The following ABCA5 variants were observed in gnomAD, a reference collection of about 807,000 sequenced individuals.
ABCA5 encodes the protein cholesterol transporter ABCA5.
A neutral mutation model predicts 206.0 loss-of-function variants in ABCA5; 163 were observed. The observed-to-expected ratio is 0.79, with a 90% CI of 0.70 to 0.90. ABCA5 has a LOEUF of 0.90. ABCA5 is among the 40% of genes least tolerant of loss of function. The pLI is 0.00. For missense variants in ABCA5, 1,859 were observed against 1,912.9 expected (o/e 0.97, Z 0.53); for synonymous variants, 609 against 613.8 (o/e 0.99, Z 0.11).
chr17:69,248,635 C>T, intron 37 of ABCA5: 1 of 208,414 alleles, frequency 4.8e-6, no homozygotes, highest in Non-Finnish European at 9.7e-6. Context: ...TTCTCCAACT[C>T]CACTGTAGCC....
Position 69,268,076 on chromosome 17 carries a change from T to C in ABCA5, c.3031-20A>G, listed in dbSNP as rs1464835355. ...AATTTCCTGAAAGACAACCACAGAG[T>C]AACAAATGGAACTGAGAATCATTTT... On this transcript the variant is annotated intron_variant, in intron 22 of 38. Coordinates refer to ENST00000392676, the MANE Select transcript of ABCA5 (RefSeq NM_172232.4). 2 of 1,143,756 alleles carry C rather than the reference T, an allele frequency of 1.7e-6. No individual in the cohort carries two copies. The highest frequency in any genetic ancestry group is 1.3e-6 in the Non-Finnish European group (1 of 756,968). 70.9% of individuals were successfully genotyped at this position (1,143,756 alleles called of 1,614,324 possible).
chr17:69,301,144 A>G lies in ABCA5; in HGVS notation c.1262T>C (p.Ile421Thr). ...TTCAAAAACCATCTGCATACCTGGA[A>G]TGACTTGATCAAGATAGACAGCCAA... ...VLLAVYLDQV[I>T]PGEFGLRRSS... The change falls in exon 9 of 39, where the codon ATT becomes ACT. Residue 421 changes from isoleucine to threonine, a missense_variant. Ile to Thr is a moderately conservative substitution (Grantham distance 89). Transcript: ENST00000392676. 6.6e-7 allele frequency: 1 copy of G among 1,525,574 alleles called. No homozygotes were observed. Among genetic ancestry groups the G allele is most frequent in the Non-Finnish European group, 8.7e-7 (1 of 1,145,892 alleles). The allele number at this position is 1,525,574 out of a possible 1,614,324, so 94.5% of individuals were successfully genotyped here.
chr17:69,267,834 T>A (rs1273166506), intron 23 of ABCA5, 109 bp downstream of exon 23: 12 of 501,574 alleles, frequency 2.4e-5, no homozygotes, highest in Middle Eastern at 5.3e-4. Flanking sequence ...ATATTCCATT[T>A]ACTTATTTCT....
intron 1 of ABCA5, chr17:69,315,354 G>GA (rs2075805796): frequency 6.6e-6 from 1 of 152,198 alleles, no homozygotes; most frequent in African/African-American, 2.4e-5. Flanking sequence ...ACAGTTCAAA[G>GA]AATGTGGGTA....
At chr17:69,271,407 T>A in intron 20 of ABCA5, 118 bp from the exon 21 acceptor site, 1 of 1,120,788 alleles carries the variant, frequency 8.9e-7, no homozygotes, top group Non-Finnish European at 1.2e-6. Context: ...AATACGCAAG[T>A]AAGTACATTG....
intron 9 of ABCA5, among the ~76,000 whole-genome samples, chr17:69,299,708 GA>G (rs564432897): frequency 7.8e-4 from 118 of 151,926 alleles, no homozygotes; most frequent in African/African-American, 2.8e-3. Flanking sequence ...GAAAAGGTGG[GA>G]GGGGGGTGAG....
At position 69,256,268 on chromosome 17, in the gene ABCA5, C is replaced by T. The variant is rs150983466; in HGVS notation, c.3747G>A (p.Lys1249=). 1.3e-6 allele frequency: 2 copies of T among 1,598,970 alleles called. No homozygotes were observed. Among genetic ancestry groups the T allele is most frequent in the African/African-American group, 1.3e-5 (1 of 74,340 alleles). The change falls in exon 29 of 39, where the codon AAG becomes AAA. Residue 1249 remains lysine (K), a synonymous_variant. Transcript: ENST00000392676. The part of the protein sequence containing the change: ...KDPFFRNLST[K]SKNRKLPEPP... ...GTTCTGGAAGCTTCCTATTTTTAGA[C>T]TTCGTTGAAAGGTTTCTACATATAT...
chr17:69,261,915 T>C (rs192037181), intron 24 of ABCA5, among the ~76,000 whole-genome samples, 167 bp from the exon 25 acceptor site: 19 of 152,236 alleles, frequency 1.2e-4, no homozygotes, highest in African/African-American at 4.1e-4. Flanking sequence ...CTATCTCTCA[T>C]TATTATAAAA....
intron 3 of ABCA5, among the ~76,000 whole-genome samples, chr17:69,312,033 A>G (rs1216311466): frequency 1.3e-5 from 2 of 152,208 alleles, no homozygotes; most frequent in Non-Finnish European, 2.9e-5. Flanking sequence ...TGTATAATTA[A>G]CACTTTCCAT....
intron 18 of ABCA5, among the ~76,000 whole-genome samples, chr17:69,279,762 G>A (rs1430363283): frequency 6.6e-6 from 1 of 152,144 alleles, no homozygotes; most frequent in Non-Finnish European, 1.5e-5. Flanking sequence ...TGACAAACCT[G>A]AGAAAAACGA....
At chr17:69,315,106 A>C (rs2075803415) in intron 1 of ABCA5, 1 of 152,250 alleles carries the variant, frequency 6.6e-6, no homozygotes, top group East Asian at 1.9e-4. Flanking sequence ...AAAAAGTAGA[A>C]GGGGGAACAA....
intron 17 of ABCA5, among the ~76,000 whole-genome samples, chr17:69,284,728 T>C (rs1199627929): frequency 6.6e-6 from 1 of 152,198 alleles, no homozygotes; most frequent in East Asian, 1.9e-4. Flanking sequence ...TATTTGTTTC[T>C]GTATTCAATC....
In ABCA5 at chr17:69,274,116, A is replaced by G. The variant is rs1190523017; in HGVS notation, c.2607T>C (p.Leu869=). 1 of 1,574,290 alleles carries G rather than the reference A, an allele frequency of 6.4e-7. No individual in the cohort carries two copies. Among genetic ancestry groups the G allele is most frequent in the East Asian group, 2.2e-5 (1 of 44,560 alleles). The stretch of plus-strand genomic sequence containing the variant: ...AAATCTGAACTGTGAAAAAAATTAA[A>G]AGCAGAAGCAACCTGAAAAGAAAAA... The part of the protein sequence containing the change: ...SKSVRSVLLL[L]LIFFTVQIFM... Residue 869 remains leucine, a synonymous_variant, in exon 20 of 39, where the codon CTT becomes CTC. Transcript: ENST00000392676.
Position 69,277,781 on chromosome 17 carries a change from T to G in ABCA5, c.2454A>C (p.Glu818Asp), listed in dbSNP as rs1442746668. The change falls in exon 19 of 39, where the codon GAA becomes GAC. Residue 818 changes from glutamate to aspartate, a missense_variant. Transcript: ENST00000392676. ...EEEMDSKSFD[E>D]MEQSLLILSE... ...AAAGAATAAGTAAGCTCTGTTCCATTTCATCAAAAGATTTTGAATCCATTT... is the reference window on the plus strand; with the variant it reads ...AAAGAATAAGTAAGCTCTGTTCCATGTCATCAAAAGATTTTGAATCCATTT... The G allele has an allele frequency of 1.3e-6, 2 of 1,589,636 alleles. No individual in the cohort carries two copies. Among genetic ancestry groups the G allele is most frequent in the South Asian group, 2.3e-5 (2 of 85,782 alleles).
chr17:69,292,094 G>C (rs2075533696), intron 11 of ABCA5, among the ~76,000 whole-genome samples: 1 of 152,102 alleles, frequency 6.6e-6, no homozygotes, highest in Admixed American at 6.6e-5. Context: ...GGGGGACAGA[G>C]CAAGACCCTG....
chr17:69,314,247 C>T, intron 2 of ABCA5, 67 bp downstream of exon 2: 1 of 897,464 alleles, frequency 1.1e-6, no homozygotes, highest in Non-Finnish European at 1.7e-6. Context: ...TAAATCATCA[C>T]TTCAAGATAG....
At chr17:69,322,573 T>C (rs900937105) in intron 1 of ABCA5, among the ~76,000 whole-genome samples, 1 of 152,134 alleles carries the variant, frequency 6.6e-6, no homozygotes, top group Admixed American at 6.5e-5. Context: ...GTTCTACTAT[T>C]ATACCTACTG....
intron 28 of ABCA5, among the ~76,000 whole-genome samples, chr17:69,257,767 G>GA (rs1251347731): frequency 2.1e-4 from 31 of 150,968 alleles, no homozygotes; most frequent in Non-Finnish European, 3.8e-4. Context: ...GAGAAAAAGA[G>GA]AAAAAATACA....
At chr17:69,288,791 C>A (rs1192823867) in intron 14 of ABCA5, among the ~76,000 whole-genome samples, 2 of 151,786 alleles carry the variant, frequency 1.3e-5, no homozygotes, top group African/African-American at 4.8e-5. Context: ...CTTCCATTCT[C>A]CTTCCTAAAA....
Sources: allele counts gnomAD v4.1 joint callset (sites outside exome capture counted in the v4.1 genomes callset), GRCh38; gene constraint gnomAD v4.1.1; transcripts MANE v1.5; gene names NCBI Gene and HGNC (gene_info 2026-07-23, HGNC 2026-07-21).